Variants in ZNF7 observed in about 807,000 individuals in gnomAD.
ZNF7 encodes the protein C2-H2 type zinc finger protein.
ZNF7 carries 10 observed loss-of-function variants against 12.0 expected under a neutral mutation model. That is an observed-to-expected ratio of 0.83 (90% confidence interval 0.51 to 1.42). The LOEUF is 1.42. ZNF7 is among the 40% of genes most tolerant of loss of function. ZNF7 has a pLI of 0.00. For missense variants in ZNF7, 854 were observed against 837.2 expected, an observed-to-expected ratio of 1.02 and a Z score of -0.25; for synonymous variants, 334 against 295.0, an observed-to-expected ratio of 1.13 and a Z score of -1.35.
In ZNF7 at chr8:144,842,867, G is replaced by T; in HGVS notation, c.1760G>T (p.Gly587Val). The T allele has an allele frequency of 6.2e-7, 1 of 1,614,216 alleles. No homozygotes were observed. ...GVKPYECSEC[G>V]KAFSRSSYLI... ...AAGCCCTATGAGTGCAGTGAGTGTG[G>T]AAAAGCCTTCAGCCGGAGCTCATAT... The change falls in exon 5 of 5, where the codon GGA becomes GTA. Residue 587 changes from glycine to valine, a missense_variant. Physicochemically the swap from Gly to Val is moderately radical, Grantham distance 109 (BLOSUM62 -3). Coordinates refer to ENST00000532777, the MANE Select transcript of ZNF7 (RefSeq NM_003416.4).
At chr8:144,846,147 G>A, downstream of ZNF7, 1 of 1,536,252 alleles carries the variant, frequency 6.5e-7, no homozygotes, top group Non-Finnish European at 8.7e-7. Flanking sequence ...CAGGACAGAA[G>A]GAGGGGAACG....
chr8:144,838,100 C>T (rs561748176), intron 4 of ZNF7: 39 of 702,978 alleles, frequency 5.5e-5, no homozygotes, highest in East Asian at 1.6e-4. Context: ...CCTGCCTCTC[C>T]GGGCAGCTGG....
rs1298008683 is a variant in ZNF7, at chr8:144,829,358, G to C, written c.4-120G>C. On this transcript the variant is annotated intron_variant, in intron 2 of 4. Coordinates refer to ENST00000532777, the MANE Select transcript of ZNF7 (RefSeq NM_003416.4). ...CCTCCCCAGAATATTAGAGGCAGAG[G>C]AGTCCTGGTGAGCGTCTCGCCCAAC... is the stretch of plus-strand genomic sequence containing the variant. The C allele has an allele frequency of 3.2e-6, 5 of 1,557,120 alleles. No individual in the cohort carries two copies. In the African/African-American group the frequency reaches 4.1e-5, roughly 13 times the overall value.
At chr8:144,841,275 G>C in intron 4 of ZNF7, 80 bp from the exon 5 acceptor site, 1 of 1,433,294 alleles carries the variant, frequency 7.0e-7, no homozygotes, top group East Asian at 2.3e-5. Context: ...GGAGCCTTGA[G>C]CCCTGGCCCC....
At chr8:144,832,380 G>A (rs2130565160) in intron 3 of ZNF7, among the ~76,000 whole-genome samples, 1 of 95,688 alleles carries the variant, frequency 1.0e-5, no homozygotes, top group Non-Finnish European at 2.6e-5. Context: ...CCGGGATTGT[G>A]CCACTGCACT....
At chr8:144,829,738 G>A in intron 3 of ZNF7, 134 bp downstream of exon 3, 1 of 1,212,084 alleles carries the variant, frequency 8.3e-7, no homozygotes, top group Non-Finnish European at 1.1e-6. Context: ...TTGGACTCAT[G>A]AGTGGTGTGC....
In ZNF7 at chr8:144,842,802, CTCAACCCTT is replaced by C; in HGVS notation, c.1697_1705del (p.Ser566_Leu568del). 1.2e-6 allele frequency: 2 copies of C among 1,614,214 alleles called. No homozygotes were observed. Among genetic ancestry groups the C allele is most frequent in the Non-Finnish European group, 1.7e-6 (2 of 1,180,048 alleles). On this transcript the variant is annotated inframe_deletion, in exon 5 of 5. Coordinates refer to ENST00000532777, the MANE Select transcript of ZNF7 (RefSeq NM_003416.4). ...AATGTGGGAAAGCCTTCAGTCAAAA[CTCAACCCTT>C]TTCCAACACCAGATAATTCATGCAG...
At chr8:144,838,097 C>G (rs1192226972) in intron 4 of ZNF7, 3 of 702,898 alleles carry the variant, frequency 4.3e-6, no homozygotes, top group Non-Finnish European at 7.8e-6. Context: ...TGTCCTGCCT[C>G]TCCGGGCAGC....
chr8:144,843,390 C>T lies in ZNF7; in HGVS notation c.*222C>T, dbSNP rs1461699089. 10 of 476,488 alleles carry T rather than the reference C, an allele frequency of 2.1e-5. No individual in the cohort carries two copies. The highest frequency in any genetic ancestry group is 5.5e-4 in the Middle Eastern group (1 of 1,834). 29.5% of individuals were successfully genotyped at this position (476,488 alleles called of 1,614,324 possible). Reference sequence around the variant, plus strand: ...ACATCACGAGGTCAGGAGGTTGAGACCATCCTGGGTAACAGGTGAAACCCC... The same window carrying T: ...ACATCACGAGGTCAGGAGGTTGAGATCATCCTGGGTAACAGGTGAAACCCC... On this transcript the variant is annotated 3_prime_UTR_variant, in exon 5 of 5. Coordinates refer to ENST00000532777, the MANE Select transcript of ZNF7 (RefSeq NM_003416.4).
chr8:144,828,753 C>A, intron 1 of ZNF7: 1 of 427,574 alleles, frequency 2.3e-6, no homozygotes, highest in Non-Finnish European at 4.3e-6. Context: ...GCAGGGTCCT[C>A]GTGTCCACTA....
rs1214248682 is a variant in ZNF7, at chr8:144,842,967, C to T, written c.1860C>T (p.Thr620=). Residue 620 remains threonine, a synonymous_variant, in exon 5 of 5, where the codon ACC becomes ACT. Transcript: ENST00000532777. ...ATGGGAATGCCCTGGAAGGGTCCAC[C>T]TTTGTGAGCCGTAAAAAGGTTAATA... ...YEYGNALEGS[T]FVSRKKVNTI... The T allele has an allele frequency of 1.2e-6, 2 of 1,614,078 alleles. No homozygotes were observed. The highest frequency in any genetic ancestry group is 1.3e-5 in the African/African-American group (1 of 74,936).
downstream of ZNF7, among the ~76,000 whole-genome samples, chr8:144,844,987 C>T (rs939352362): frequency 2.0e-5 from 3 of 151,844 alleles, no homozygotes; most frequent in Non-Finnish European, 2.9e-5. Context: ...TGGGGGTAGA[C>T]CAGCAGACCA....
chr8:144,827,857 C>A, intron 1 of ZNF7: 1 of 213,390 alleles, frequency 4.7e-6, no homozygotes, highest in Non-Finnish European at 8.1e-6. Context: ...GCAGACCCCG[C>A]TCGTGGCGGC....
At chr8:144,829,162 C>G in intron 2 of ZNF7, 72 bp downstream of exon 2, 1 of 1,607,230 alleles carries the variant, frequency 6.2e-7, no homozygotes, top group Non-Finnish European at 8.5e-7. Context: ...CCCACTGGCC[C>G]TGGGCCCAGA....
At chr8:144,844,733 AAAAC>A (rs1830411062), downstream of ZNF7, among the ~76,000 whole-genome samples, 2 of 132,432 alleles carry the variant, frequency 1.5e-5, no homozygotes, top group Non-Finnish European at 3.2e-5. Context: ...AAAAAAAAAA[AAAAC>A]GAAAATGGGA....
Position 144,842,012 on chromosome 8 carries a change from G to A in ZNF7, c.905G>A (p.Gly302Glu). 6.2e-7 allele frequency: 1 copy of A among 1,614,210 alleles called. No homozygotes were observed. The highest frequency in any genetic ancestry group is 8.5e-7 in the Non-Finnish European group (1 of 1,180,042). ...ATTCAGCATCAAAGAATCCACACTG[G>A]GGAGAAGCCCTACAGATGTGAGGAA... ...KLIQHQRIHT[G>E]EKPYRCEECG... The change falls in exon 5 of 5, where the codon GGG becomes GAG. Residue 302 changes from glycine to glutamate, a missense_variant. Coordinates refer to ENST00000532777, the MANE Select transcript of ZNF7 (RefSeq NM_003416.4).
In ZNF7 at chr8:144,841,455, T is replaced by C; in HGVS notation, c.348T>C (p.Phe116=). ...TGGTCAGAATCTCCCCACAGGACTT[T>C]CCTCAGAATCCTGGCTTTGGAGACG... ...GTVVRISPQD[F]PQNPGFGDVS... The change falls in exon 5 of 5, where the codon TTT becomes TTC. Residue 116 remains phenylalanine (F), a synonymous_variant. Transcript: ENST00000532777. 1 of 1,614,262 alleles carries C rather than the reference T, an allele frequency of 6.2e-7. No individual in the cohort carries two copies. The highest frequency in any genetic ancestry group is 8.5e-7 in the Non-Finnish European group (1 of 1,180,060).
rs375302812 is a variant in ZNF7 at position 144,843,377 on chromosome 8, C to T, written c.*209C>T. On this transcript the variant is annotated 3_prime_UTR_variant, in exon 5 of 5. Coordinates refer to ENST00000532777, the MANE Select transcript of ZNF7 (RefSeq NM_003416.4). ...GGCCAAGGCGGGCACATCACGAGGT[C>T]AGGAGGTTGAGACCATCCTGGGTAA... The T allele has an allele frequency of 2.2e-5, 12 of 535,558 alleles. No individual in the cohort carries two copies. The highest frequency in any genetic ancestry group is 1.2e-4 in the African/African-American group (6 of 51,292). 33.2% of individuals were successfully genotyped at this position (535,558 alleles called of 1,614,324 possible).
In ZNF7 at chr8:144,843,027, G is replaced by A; in HGVS notation, c.1920G>A (p.Glu640=). The change falls in exon 5 of 5, where the codon GAG becomes GAA. Residue 640 remains glutamate (E), a synonymous_variant. Transcript: ENST00000532777. The stretch of plus-strand genomic sequence containing the variant: ...AACTGCATCAGTGTGAAGACTGTGA[G>A]AAGATATTTAGGTGGCGTTCACACC... ...IKKLHQCEDC[E]KIFRWRSHLI... is the part of the protein sequence containing the mutation. 6.2e-7 allele frequency: 1 copy of A among 1,614,198 alleles called. No individual in the cohort carries two copies. The highest frequency in any genetic ancestry group is 8.5e-7 in the Non-Finnish European group (1 of 1,180,056).
Sources: allele counts gnomAD v4.1 joint callset (sites outside exome capture counted in the v4.1 genomes callset), GRCh38; gene constraint gnomAD v4.1.1; transcripts MANE v1.5; gene names NCBI Gene and HGNC (gene_info 2026-07-23, HGNC 2026-07-21).